The following GLRA3 variants were observed in gnomAD, a reference collection of about 807,000 sequenced individuals.
The protein encoded by GLRA3 is glycine receptor subunit alpha-3.
A neutral mutation model predicts 60.4 loss-of-function variants in GLRA3; 44 were observed. The observed-to-expected ratio is 0.73, with a 90% confidence interval of 0.57 to 0.94. GLRA3 has a LOEUF of 0.94. Among genes scored for constraint, GLRA3 ranks in the 40% least tolerant of loss-of-function variants. GLRA3 has a pLI of 0.00. For synonymous variants in GLRA3, 223 were observed against 192.9 expected (o/e 1.16, Z -1.29); for missense variants, 508 against 564.6 (o/e 0.90, Z 1.02).
chr4:174,814,066 G>C (rs927238710), intron 1 of GLRA3, among the ~76,000 whole-genome samples: 1 of 152,144 alleles, frequency 6.6e-6, no homozygotes, highest in South Asian at 2.1e-4. Flanking sequence ...ATCAAGGGGG[G>C]GTATCCATGA....
At chr4:174,784,715 T>G (rs1159178973) in intron 2 of GLRA3, among the ~76,000 whole-genome samples, 1 of 152,178 alleles carries the variant, frequency 6.6e-6, no homozygotes, top group East Asian at 1.9e-4. Context: ...TAATTCTTTT[T>G]AGCAGCTCTC....
intron 9 of GLRA3, among the ~76,000 whole-genome samples, chr4:174,654,637 C>T (rs1733131842): frequency 6.6e-6 from 1 of 152,052 alleles, no homozygotes; most frequent in East Asian, 1.9e-4. Context: ...ACATGAAATG[C>T]ATTAAAGCAA....
At chr4:174,802,861 G>C (rs543907143) in intron 1 of GLRA3, among the ~76,000 whole-genome samples, 2 of 152,012 alleles carry the variant, frequency 1.3e-5, no homozygotes, top group Non-Finnish European at 2.9e-5. Context: ...TTTTAACCAG[G>C]CTTGATATTG....
At chr4:174,818,385 A>C (rs541163687) in intron 1 of GLRA3, among the ~76,000 whole-genome samples, 1 of 152,298 alleles carries the variant, frequency 6.6e-6, no homozygotes, top group East Asian at 1.9e-4. Context: ...TATGATAACT[A>C]TACATATACC....
At chr4:174,800,736 A>G (rs1739777326) in intron 1 of GLRA3, among the ~76,000 whole-genome samples, 1 of 152,032 alleles carries the variant, frequency 6.6e-6, no homozygotes, top group Non-Finnish European at 1.5e-5. Context: ...TGCCTAGCTT[A>G]TGATGATTTG....
At position 174,693,400 on chromosome 4, in the gene GLRA3, T is replaced by C. The variant is rs914146275; in HGVS notation, c.575-10461A>G. On this transcript the variant is annotated intron_variant, in intron 5 of 9. Transcript: ENST00000274093. ...TCACTAGCCAGTTATCCCAGCACCATTTATTGAATAGGGAATCTCTTCCCC... is the reference window on the plus strand; with the variant it reads ...TCACTAGCCAGTTATCCCAGCACCACTTATTGAATAGGGAATCTCTTCCCC... Among the ~76,000 whole-genome samples the C allele has an allele frequency of 3.9e-5, 6 of 152,308 alleles. No individual in the cohort carries two copies. The South Asian group carries it at 8.3e-4, about 21-fold the overall frequency.
At chr4:174,716,051 A>G (rs1338945804) in intron 4 of GLRA3, among the ~76,000 whole-genome samples, 1 of 152,184 alleles carries the variant, frequency 6.6e-6, no homozygotes, top group Non-Finnish European at 1.5e-5. Context: ...TTCCAGAGGC[A>G]TTAGAGTTCT....
chr4:174,766,870 T>C, intron 3 of GLRA3, 93 bp downstream of exon 3: 1 of 662,828 alleles, frequency 1.5e-6, no homozygotes, highest in Non-Finnish European at 2.7e-6. Context: ...AATCTTGTTA[T>C]ACTAATTTGG....
At chr4:174,774,550 G>A (rs6553818) in intron 2 of GLRA3, among the ~76,000 whole-genome samples, 111,276 of 151,786 alleles carry the variant, frequency 0.73, 41,084 homozygotes, top group East Asian at 0.99. Context: ...CATCATTCCT[G>A]TAATATCCCT....
In GLRA3 at chr4:174,767,153, C is replaced by T. The variant is rs1030229271; in HGVS notation, c.200-123G>A. 3 of 497,630 alleles carry T rather than the reference C, an allele frequency of 6.0e-6. No individual in the cohort carries two copies. In the African/African-American group the frequency reaches 6.1e-5, roughly 10 times the overall value. 30.8% of individuals were successfully genotyped at this position (497,630 alleles called of 1,614,324 possible). On this transcript the variant is annotated intron_variant, in intron 2 of 9. Coordinates refer to ENST00000274093, the MANE Select transcript of GLRA3 (RefSeq NM_006529.4). ...ACACACACACACACACACACACACACACAGATGCTTAAAATTGAAGCAATA... is the reference window on the plus strand; with the variant it reads ...ACACACACACACACACACACACACATACAGATGCTTAAAATTGAAGCAATA...
intron 5 of GLRA3, among the ~76,000 whole-genome samples, chr4:174,693,164 AG>A (rs1317080495): frequency 5.9e-5 from 9 of 152,194 alleles, no homozygotes; most frequent in Non-Finnish European, 1.2e-4. Context: ...AAATATAATT[AG>A]ATCCCACTTG....
At chr4:174,795,051 T>C (rs36053297) in intron 1 of GLRA3, among the ~76,000 whole-genome samples, 1 of 150,256 alleles carries the variant, frequency 6.7e-6, no homozygotes, top group Non-Finnish European at 1.5e-5. Context: ...ATTTATATTG[T>C]ATATATATAT....
chr4:174,739,726 G>A (rs1311518483), intron 3 of GLRA3, among the ~76,000 whole-genome samples: 2 of 152,190 alleles, frequency 1.3e-5, no homozygotes, highest in African/African-American at 4.8e-5. Flanking sequence ...CTATGAGCAG[G>A]AAGCGGTATG....
At chr4:174,810,510 G>A (rs1320613206) in intron 1 of GLRA3, among the ~76,000 whole-genome samples, 5 of 151,518 alleles carry the variant, frequency 3.3e-5, no homozygotes, top group African/African-American at 9.7e-5. Flanking sequence ...AATATAATCT[G>A]GAAAGAAACA....
chr4:174,676,712 C>G (rs989498146), intron 7 of GLRA3, among the ~76,000 whole-genome samples: 2 of 151,900 alleles, frequency 1.3e-5, no homozygotes, highest in Non-Finnish European at 2.9e-5. Context: ...TATGGCATAT[C>G]CATACAATGG....
intron 5 of GLRA3, among the ~76,000 whole-genome samples, chr4:174,708,999 T>A (rs1438802167): frequency 1.3e-5 from 2 of 152,042 alleles, no homozygotes; most frequent in Non-Finnish European, 2.9e-5. Context: ...CTTTCTCTTC[T>A]ATATCATTCT....
intron 3 of GLRA3, among the ~76,000 whole-genome samples, chr4:174,763,672 T>G (rs1246002459): frequency 6.6e-6 from 1 of 152,178 alleles, no homozygotes; most frequent in Non-Finnish European, 1.5e-5. Flanking sequence ...TAAAAGCCAC[T>G]TAATGTGGAG....
At chr4:174,725,973 T>C (rs1736305788) in intron 4 of GLRA3, among the ~76,000 whole-genome samples, 1 of 152,248 alleles carries the variant, frequency 6.6e-6, no homozygotes, top group Admixed American at 6.5e-5. Context: ...CTGACATTGC[T>C]CTGCTTAGGC....
At chr4:174,701,936 A>C (rs1401234882) in intron 5 of GLRA3, among the ~76,000 whole-genome samples, 7 of 152,236 alleles carry the variant, frequency 4.6e-5, no homozygotes, top group African/African-American at 1.7e-4. Context: ...GATGAAATCT[A>C]CTGGTGAAGA....
Sources: gnomAD v4.1 joint callset for allele counts (sites outside exome capture counted in the v4.1 genomes callset) on GRCh38, gnomAD v4.1.1 for gene constraint, MANE v1.5 for transcripts, NCBI Gene and HGNC (gene_info 2026-07-23, HGNC 2026-07-21) for gene names.